The following DENND4B variants were observed in gnomAD, a reference collection of about 807,000 sequenced individuals.
The protein encoded by DENND4B is DENN domain containing 4B, also known as DENN domain-containing protein 4B.
Under a neutral mutation model 161.0 loss-of-function variants are expected in DENND4B, and 67 were observed. That is an observed-to-expected ratio of 0.42 (90% CI 0.34 to 0.51). The LOEUF is 0.51. DENND4B is among the 20% of genes least tolerant of loss of function. The pLI is 0.08. For missense variants in DENND4B, 1,481 were observed against 1,968.0 expected, an observed-to-expected ratio of 0.75 and a Z score of 4.68; for synonymous variants, 753 against 813.8, an observed-to-expected ratio of 0.93 and a Z score of 1.27.
chr1:153,945,065 C>T (rs1375646999), intron 1 of DENND4B: 1 of 1,278,174 alleles, frequency 7.8e-7, no homozygotes, highest in East Asian at 5.7e-5. Context: ...AGAGACAAGT[C>T]CCGGCCATCC....
At chr1:153,945,574 A>G (rs1571062966) in intron 1 of DENND4B, among the ~76,000 whole-genome samples, 1 of 144,800 alleles carries the variant, frequency 6.9e-6, no homozygotes, top group Non-Finnish European at 1.5e-5. Context: ...ACACACACAC[A>G]CGCACACACA....
Position 153,936,046 on chromosome 1 carries a change from C to T in DENND4B, c.2568+14G>A. On this transcript the variant is annotated intron_variant, in intron 17 of 27. Coordinates refer to ENST00000361217, the MANE Select transcript of DENND4B (RefSeq NM_014856.3). The surrounding 1 kb of genome is among the most constrained non-coding windows in gnomAD (Gnocchi z 4.1). ...GCACAGCTGCCATCCCACCCCTCAC[C>T]CCAAAGTAGGTACCTTATTGTAGTA... The T allele has an allele frequency of 1.2e-6, 2 of 1,612,582 alleles. No homozygotes were observed. The highest frequency in any genetic ancestry group is 2.2e-5 in the East Asian group (1 of 44,778).
rs780951321 is a variant in DENND4B, at chr1:153,936,682, G to A, written c.2299C>T (p.Leu767=). 3 of 1,612,842 alleles carry A rather than the reference G, an allele frequency of 1.9e-6. No homozygotes were observed. The highest frequency in any genetic ancestry group is 3.3e-5 in the Admixed American group (2 of 59,870). Residue 767 remains leucine, a synonymous_variant, in exon 16 of 28, where the codon CTG becomes TTG. Transcript: ENST00000361217. The surrounding 1 kb of genome is among the most constrained non-coding windows in gnomAD (Gnocchi z 4.1). The part of the protein sequence containing the change: ...AAVPELWARC[L]LGHCYGLWFL... ...CACAGCCCATAGCAGTGCCCCAGCA[G>A]GCACCGGGCCCACAGCTCAGGCACA...
intron 24 of DENND4B, among the ~76,000 whole-genome samples, chr1:153,931,293 A>C (rs1483198604): frequency 6.6e-6 from 1 of 152,136 alleles, no homozygotes; most frequent in Non-Finnish European, 1.5e-5. Flanking sequence ...CATAAAAAGC[A>C]CTCAATACTG....
Position 153,940,889 on chromosome 1 carries a change from CG to C in DENND4B, c.1326+14del. Reference sequence around the variant, plus strand: ...ATGGTTCTGGGGAAGATGGGCCAGGCGGGGCGGCACTCACCGAGACGAGGGC... The same window carrying C: ...ATGGTTCTGGGGAAGATGGGCCAGGCGGGCGGCACTCACCGAGACGAGGGC... On this transcript the variant is annotated intron_variant, in intron 9 of 27. Coordinates refer to ENST00000361217, the MANE Select transcript of DENND4B (RefSeq NM_014856.3). This position sits in a 1 kb window ranked among gnomAD's most constrained non-coding sequence, Gnocchi z 5.6. 6.5e-7 allele frequency: 1 copy of C among 1,539,800 alleles called. No homozygotes were observed. Among genetic ancestry groups the C allele is most frequent in the Non-Finnish European group, 8.7e-7 (1 of 1,146,512 alleles).
Position 153,945,038 on chromosome 1 carries a change from G to T in DENND4B, c.-23-641C>A, listed in dbSNP as rs915593396. On this transcript the variant is annotated intron_variant, in intron 1 of 27. Transcript: ENST00000361217. ...TCCAGGATCCTTAGGTAGCTCGTTA[G>T]ATCCAAAGCAGTTGTGAGAGACAAG... is the stretch of plus-strand genomic sequence containing the variant. The T allele has an allele frequency of 3.2e-6, 4 of 1,233,252 alleles. No individual in the cohort carries two copies. The African/African-American group carries it at 4.7e-5, about 14-fold the overall frequency. The allele number at this position is 1,233,252 out of a possible 1,614,324, so 76.4% of individuals were successfully genotyped here.
Position 153,933,241 on chromosome 1 carries a change from G to A in DENND4B, c.3409C>T (p.Arg1137Cys), listed in dbSNP as rs760240433. Reference sequence around the variant, plus strand: ...AAGGATCCAGGGGTGTCACTGAGGCGCTCTGAGGAACGGCGAAGACTCAGG... The same window carrying A: ...AAGGATCCAGGGGTGTCACTGAGGCACTCTGAGGAACGGCGAAGACTCAGG... ...SNLSLRRSSERLSDTPGSFQS... is the reference protein window; with the variant it reads ...SNLSLRRSSECLSDTPGSFQS... Residue 1137 changes from arginine (R) to cysteine (C), a missense_variant, in exon 21 of 28, where the codon CGC becomes TGC. Physicochemically the swap from Arg to Cys is radical, Grantham distance 180. Transcript: ENST00000361217. The surrounding 1 kb of genome is among the most constrained non-coding windows in gnomAD (Gnocchi z 5.7). 28 of 1,612,974 alleles carry A rather than the reference G, an allele frequency of 1.7e-5. No homozygotes were observed. The highest frequency in any genetic ancestry group is 2.4e-5 in the Non-Finnish European group (28 of 1,179,524).
rs1183524402 is a variant in DENND4B, at chr1:153,929,757, A to G, written c.*540T>C. On this transcript the variant is annotated 3_prime_UTR_variant, in exon 28 of 28. Coordinates refer to ENST00000361217, the MANE Select transcript of DENND4B (RefSeq NM_014856.3). The stretch of plus-strand genomic sequence containing the variant: ...ATTTCCCTTCCCTTTCTCACTCTCC[A>G]TAAGAACCTCATAAGCAAGGGGGCT... 2 of 152,590 alleles carry G rather than the reference A, an allele frequency of 1.3e-5. No individual in the cohort carries two copies. Among genetic ancestry groups the G allele is most frequent in the Non-Finnish European group, 2.9e-5 (2 of 68,388 alleles). 9.5% of individuals were successfully genotyped at this position (152,590 alleles called of 1,614,324 possible).
Position 153,941,051 on chromosome 1 carries a change from G to A in DENND4B, c.1182-3C>T, listed in dbSNP as rs1483086333. 5 of 1,553,656 alleles carry A rather than the reference G, an allele frequency of 3.2e-6. No individual in the cohort carries two copies. Among genetic ancestry groups the A allele is most frequent in the African/African-American group, 1.4e-5 (1 of 73,290 alleles). On this transcript the variant is annotated splice_region_variant and splice_polypyrimidine_tract_variant and intron_variant, in intron 8 of 27. Coordinates refer to ENST00000361217, the MANE Select transcript of DENND4B (RefSeq NM_014856.3). Reference sequence around the variant, plus strand: ...GCAGCTGCAGGAAGCTGGCACCACTGCAGGCAATGCCGAGGTGGGGAAAGG... The same window carrying A: ...GCAGCTGCAGGAAGCTGGCACCACTACAGGCAATGCCGAGGTGGGGAAAGG...
chr1:153,935,573 C>G (rs1231983972), intron 17 of DENND4B, among the ~76,000 whole-genome samples: 1 of 152,254 alleles, frequency 6.6e-6, no homozygotes, highest in African/African-American at 2.4e-5. Flanking sequence ...TCTCGAACTC[C>G]TGATCTCAGG....
rs761288673 is a variant in DENND4B, at chr1:153,933,759, T to A, written c.3054A>T (p.Pro1018=). Residue 1018 remains proline (P), a synonymous_variant, in exon 20 of 28, where the codon CCA becomes CCT. Coordinates refer to ENST00000361217, the MANE Select transcript of DENND4B (RefSeq NM_014856.3). This position sits in a 1 kb window ranked among gnomAD's most constrained non-coding sequence, Gnocchi z 5.7. ...TGEEPLPGGS[P]GGSGSALSAQ... ...CACTCAGGGCTGAGCCTGAGCCCCC[T>A]GGGCTGCCTCCAGGGAGCGGCTCCT... 3.1e-6 allele frequency: 5 copies of A among 1,606,394 alleles called. No homozygotes were observed. In the African/African-American group the frequency reaches 6.7e-5, roughly 21 times the overall value.
rs572496117 is a variant in DENND4B, at chr1:153,936,802, T to C, written c.2233-54A>G. ...GAGTACAATGCCAGGTCTTTCTTAC[T>C]TATCTATTTATTTATTTATTTATGA... On this transcript the variant is annotated intron_variant, in intron 15 of 27. Transcript: ENST00000361217. The surrounding 1 kb of genome is among the most constrained non-coding windows in gnomAD (Gnocchi z 4.1). 7.1e-7 allele frequency: 1 copy of C among 1,403,752 alleles called. No homozygotes were observed. Among genetic ancestry groups the C allele is most frequent in the East Asian group, 2.6e-5 (1 of 38,758 alleles). The allele number at this position is 1,403,752 out of a possible 1,614,324, so 87.0% of individuals were successfully genotyped here.
At chr1:153,931,702 T>C (rs1242893824) in intron 24 of DENND4B, among the ~76,000 whole-genome samples, 1 of 151,766 alleles carries the variant, frequency 6.6e-6, no homozygotes, top group Non-Finnish European at 1.5e-5. Context: ...TTCACCGTGT[T>C]AGCCACGATG....
Position 153,932,034 on chromosome 1 carries a change from T to C in DENND4B, c.3996+170A>G. 1 of 612,954 alleles carries C rather than the reference T, an allele frequency of 1.6e-6. No homozygotes were observed. Among genetic ancestry groups the C allele is most frequent in the Non-Finnish European group, 2.9e-6 (1 of 349,190 alleles). The allele number at this position is 612,954 out of a possible 1,614,324, so 38.0% of individuals were successfully genotyped here. A position where few individuals can be genotyped will look rare whatever the true frequency, so the allele number is the denominator to read the frequency against. On this transcript the variant is annotated intron_variant, in intron 24 of 27. Transcript: ENST00000361217. The surrounding 1 kb of genome is among the most constrained non-coding windows in gnomAD (Gnocchi z 5.8). ...GTTGGTCAGGCTGGTCTCGAACTCC[T>C]GACCTCAGGTGATTCGCCCACCTCG...
At chr1:153,941,773 C>CGGGGGT in intron 6 of DENND4B, 96 bp downstream of exon 6, 1 of 1,426,304 alleles carries the variant, frequency 7.0e-7, no homozygotes, top group Non-Finnish European at 9.6e-7. Flanking sequence ...ACCCTGTGCC[C>CGGGGGT]AGCCCTCCCC....
chr1:153,932,638 T>A lies in DENND4B; in HGVS notation c.3759+4A>T. On this transcript the variant is annotated splice_donor_region_variant and intron_variant, in intron 23 of 27. Transcript: ENST00000361217. This position sits in a 1 kb window ranked among gnomAD's most constrained non-coding sequence, Gnocchi z 5.8. ...TCCTCATGCCCCTTTGGCCCAGCCC[T>A]TACCCCCATGTGCCCGTTGCAGAGC... 6.2e-7 allele frequency: 1 copy of A among 1,611,386 alleles called. No homozygotes were observed. Among genetic ancestry groups the A allele is most frequent in the South Asian group, 1.1e-5 (1 of 90,866 alleles).
chr1:153,939,628 C>T lies in DENND4B; in HGVS notation c.1780G>A (p.Glu594Lys). ...FLRPLTQAPS[E>K]GARDVDNLFF... ...AGGTTGTCAACATCACGAGCTCCCT[C>T]GGAGGGGGCCTGGGTGAGTGGGCGC... Residue 594 changes from glutamate to lysine, a missense_variant, in exon 12 of 28, where the codon GAG becomes AAG. Around this residue, in one of 3 missense-constraint regions of DENND4B, gnomAD observed 806 missense variants for 1,134.4 expected, o/e 0.71. Transcript: ENST00000361217. 1.2e-6 allele frequency: 2 copies of T among 1,612,726 alleles called. No individual in the cohort carries two copies. The highest frequency in any genetic ancestry group is 1.3e-5 in the African/African-American group (1 of 74,978).
chr1:153,939,089 C>A (rs910783200), intron 12 of DENND4B, 44 bp from the exon 13 acceptor site: 13 of 1,598,946 alleles, frequency 8.1e-6, no homozygotes, highest in Non-Finnish European at 1.0e-5. Flanking sequence ...GTGACCAGGG[C>A]TCTCCACCAC....
chr1:153,939,318 C>T (rs1015377261), intron 12 of DENND4B, among the ~76,000 whole-genome samples: 1 of 152,020 alleles, frequency 6.6e-6, no homozygotes, highest in Admixed American at 6.6e-5. Context: ...GAGCTTTGCC[C>T]GTGGGGGCTG....
Sources: allele counts gnomAD v4.1 joint callset (sites outside exome capture counted in the v4.1 genomes callset), GRCh38; gene constraint gnomAD v4.1.1; regional missense constraint gnomAD v4.1.1; non-coding constraint Gnocchi (gnomAD v3.1); transcripts MANE v1.5; gene names NCBI Gene and HGNC (gene_info 2026-07-23, HGNC 2026-07-21).